Variants in MAPK4 observed in about 807,000 individuals in gnomAD.
MAPK4 encodes the protein mitogen-activated protein kinase 4.
In MAPK4, 22 loss-of-function variants were observed where a neutral mutation model predicts 47.7. The observed-to-expected ratio is 0.46, with a 90% confidence interval of 0.33 to 0.66. The LOEUF is 0.66. Ranked by LOEUF, MAPK4 falls within the 30% of genes least tolerant of loss-of-function variation. The pLI is 0.02. For missense variants in MAPK4, 736 were observed against 831.7 expected (o/e 0.88, Z 1.42); for synonymous variants, 390 against 365.7 (o/e 1.07, Z -0.76).
chr18:50,581,225 A>G (rs2042341301), intron 1 of MAPK4, among the ~76,000 whole-genome samples: 1 of 152,204 alleles, frequency 6.6e-6, no homozygotes, highest in South Asian at 2.1e-4. Context: ...CCTTTGTGTC[A>G]GGCATTTGGA....
At chr18:50,721,892 C>G in intron 3 of MAPK4, 46 bp from the exon 4 acceptor site, 1 of 1,604,776 alleles carries the variant, frequency 6.2e-7, no homozygotes, top group Non-Finnish European at 8.5e-7. Flanking sequence ...CTGCACACCA[C>G]AGCCCCTTGG....
chr18:50,605,952 C>T (rs2042579590), intron 1 of MAPK4, among the ~76,000 whole-genome samples: 1 of 151,510 alleles, frequency 6.6e-6, no homozygotes, highest in Non-Finnish European at 1.5e-5. Flanking sequence ...AGGGCAGACT[C>T]TGGCTTGGTC....
At chr18:50,583,257 A>G (rs1180656648) in intron 1 of MAPK4, among the ~76,000 whole-genome samples, 1 of 152,190 alleles carries the variant, frequency 6.6e-6, no homozygotes, top group Non-Finnish European at 1.5e-5. Context: ...GGTCTTTGGA[A>G]AAAGCACCAT....
intron 2 of MAPK4, chr18:50,705,050 A>G (rs1909979478): frequency 3.0e-6 from 1 of 336,196 alleles, no homozygotes; most frequent in Non-Finnish European, 5.4e-6. Flanking sequence ...TCCGGCTTCC[A>G]CACGGTAGCA....
At chr18:50,628,364 C>T (rs966293642) in intron 1 of MAPK4, among the ~76,000 whole-genome samples, 3 of 152,144 alleles carry the variant, frequency 2.0e-5, no homozygotes, top group Admixed American at 6.5e-5. Context: ...TTTCCATTGC[C>T]GTCTGATCTC....
intron 1 of MAPK4, among the ~76,000 whole-genome samples, chr18:50,562,611 T>C (rs1307067277): frequency 6.6e-6 from 1 of 152,156 alleles, no homozygotes; most frequent in African/African-American, 2.4e-5. Flanking sequence ...ATTAAATAGT[T>C]TTCCTGCTAA....
intron 1 of MAPK4, among the ~76,000 whole-genome samples, chr18:50,588,923 C>G (rs1157276321): frequency 6.6e-6 from 1 of 152,166 alleles, no homozygotes; most frequent in Non-Finnish European, 1.5e-5. Flanking sequence ...TGTTGGCAGC[C>G]ATGTTAGGAG....
intron 2 of MAPK4, among the ~76,000 whole-genome samples, chr18:50,676,272 T>C (rs1908265740): frequency 6.6e-6 from 1 of 152,190 alleles, no homozygotes; most frequent in African/African-American, 2.4e-5. Context: ...GCTTCATAAT[T>C]TATAAGCCTG....
intron 1 of MAPK4, among the ~76,000 whole-genome samples, chr18:50,593,567 A>C (rs1257692194): frequency 6.6e-6 from 1 of 152,196 alleles, no homozygotes; most frequent in Non-Finnish European, 1.5e-5. Flanking sequence ...AAGAATAAGC[A>C]AAGGGCAGGA....
At chr18:50,723,157 G>A (rs1911019361) in intron 4 of MAPK4, among the ~76,000 whole-genome samples, 1 of 152,186 alleles carries the variant, frequency 6.6e-6, no homozygotes, top group Admixed American at 6.5e-5. Context: ...GCATGGATGG[G>A]CAGGGGAGGA....
At chr18:50,625,739 TAGAA>T (rs2042771400) in intron 1 of MAPK4, among the ~76,000 whole-genome samples, 1 of 152,018 alleles carries the variant, frequency 6.6e-6, no homozygotes, top group Non-Finnish European at 1.5e-5. Flanking sequence ...GAGATCCTCA[TAGAA>T]AGAAGAGATA....
At chr18:50,710,220 T>A (rs184470602) in intron 2 of MAPK4, among the ~76,000 whole-genome samples, 1 of 152,320 alleles carries the variant, frequency 6.6e-6, no homozygotes, top group African/African-American at 2.4e-5. Context: ...CGGTGGCTCA[T>A]GACTGTAATC....
chr18:50,695,615 A>T (rs906289109), intron 2 of MAPK4, among the ~76,000 whole-genome samples: 2 of 152,170 alleles, frequency 1.3e-5, no homozygotes, highest in Admixed American at 1.3e-4. Flanking sequence ...GGTGATGACA[A>T]GACAGAAGGT....
intron 1 of MAPK4, among the ~76,000 whole-genome samples, chr18:50,651,567 C>T (rs2043049236): frequency 6.6e-6 from 1 of 152,222 alleles, no homozygotes; most frequent in Non-Finnish European, 1.5e-5. Context: ...ACCATGTGAT[C>T]TCTGTGGCAT....
At chr18:50,685,254 G>A (rs938436062) in intron 2 of MAPK4, among the ~76,000 whole-genome samples, 5 of 152,226 alleles carry the variant, frequency 3.3e-5, no homozygotes, top group Non-Finnish European at 7.3e-5. Context: ...AAGGCCAGTT[G>A]GCTGGCATCA....
chr18:50,563,027 C>A (rs2042167591), intron 1 of MAPK4, among the ~76,000 whole-genome samples: 1 of 152,058 alleles, frequency 6.6e-6, no homozygotes, highest in African/African-American at 2.4e-5. Context: ...TGATTTTTTT[C>A]TCCCTAAATT....
chr18:50,669,621 T>G (rs1287764689), intron 2 of MAPK4: 1 of 152,270 alleles, frequency 6.6e-6, no homozygotes, highest in Non-Finnish European at 1.5e-5. Flanking sequence ...GCGTGCATCA[T>G]GGCATTTACA....
chr18:50,673,535 G>C (rs755393323), intron 2 of MAPK4, among the ~76,000 whole-genome samples: 1 of 152,184 alleles, frequency 6.6e-6, no homozygotes, highest in African/African-American at 2.4e-5. Flanking sequence ...TTATTCTCAT[G>C]TTTAAAGTTT....
rs759122550 is a variant in MAPK4, at chr18:50,729,413, G to A, written c.1323G>A (p.Leu441=). ...KVGSPSYLDK[L]LWRDNKPHHY... ...GGTCGCCGTCCTACCTGGACAAGCT[G>A]CTGTGGCGCGACAACAAGCCGCACC... The change falls in exon 6 of 6, where the codon CTG becomes CTA. Residue 441 remains leucine, a synonymous_variant. Transcript: ENST00000400384. 5.1e-6 allele frequency: 8 copies of A among 1,554,476 alleles called. No individual in the cohort carries two copies. Among genetic ancestry groups the A allele is most frequent in the African/African-American group, 1.4e-5 (1 of 73,922 alleles).
Sources: gnomAD v4.1 joint callset for allele counts (sites outside exome capture counted in the v4.1 genomes callset) on GRCh38, gnomAD v4.1.1 for gene constraint, MANE v1.5 for transcripts, NCBI Gene and HGNC (gene_info 2026-07-23, HGNC 2026-07-21) for gene names.